Variants in CDH12 observed in about 807,000 individuals in gnomAD.
CDH12 encodes the protein cadherin-12.
A neutral mutation model predicts 74.1 loss-of-function variants in CDH12; 41 were observed. The observed-to-expected ratio is 0.55, with a 90% CI of 0.43 to 0.72. The LOEUF (loss-of-function observed/expected upper bound fraction) is 0.72. Ranked by LOEUF, CDH12 falls within the 30% of genes least tolerant of loss-of-function variation. The pLI is 0.00. For synonymous variants in CDH12, 399 were observed against 355.0 expected (o/e 1.12, Z -1.39); for missense variants, 945 against 977.2 (o/e 0.97, Z 0.44).
chr5:22,250,919 G>T (rs1030493529), intron 3 of CDH12, among the ~76,000 whole-genome samples: 1 of 152,154 alleles, frequency 6.6e-6, no homozygotes, highest in Non-Finnish European at 1.5e-5. Flanking sequence ...CAGCAAAGAA[G>T]AAATGACCTA....
chr5:22,657,779 T>C (rs1241524552), intron 1 of CDH12, among the ~76,000 whole-genome samples: 3 of 152,138 alleles, frequency 2.0e-5, no homozygotes, highest in Non-Finnish European at 4.4e-5. Flanking sequence ...AAATAATAAT[T>C]TGGGCATGAA....
chr5:21,797,017 G>T (rs1248226838), intron 10 of CDH12, among the ~76,000 whole-genome samples: 1 of 152,094 alleles, frequency 6.6e-6, no homozygotes, highest in Admixed American at 6.6e-5. Context: ...GCATCAAAAG[G>T]CGAAGGCTAG....
intron 2 of CDH12, among the ~76,000 whole-genome samples, chr5:22,491,039 A>G (rs1261264): frequency 0.95 from 145,215 of 152,268 alleles, 69,373 homozygotes; most frequent in African/African-American, 0.99. Context: ...GGTTTGTTGC[A>G]TAGGTATATT....
At chr5:22,041,830 T>A (rs78953944) in intron 5 of CDH12, among the ~76,000 whole-genome samples, 1,549 of 152,202 alleles carry the variant, frequency 0.01, 6 homozygotes, top group Non-Finnish European at 0.015. Context: ...ATATAAAAAA[T>A]TTCTTACTTA....
At chr5:22,555,913 G>T (rs1027242192) in intron 1 of CDH12, among the ~76,000 whole-genome samples, 1 of 151,422 alleles carries the variant, frequency 6.6e-6, no homozygotes, top group Non-Finnish European at 1.5e-5. Context: ...TTAAAAACTG[G>T]TCAAAAAAAA....
chr5:22,265,771 T>A (rs1256748509), intron 3 of CDH12, among the ~76,000 whole-genome samples: 1 of 152,048 alleles, frequency 6.6e-6, no homozygotes, highest in Non-Finnish European at 1.5e-5. Context: ...TGCTTCCCAT[T>A]CTTAAGGAGT....
At chr5:22,505,186 A>C (rs1205624900) in intron 2 of CDH12, 84 bp downstream of exon 2, 1 of 270,182 alleles carries the variant, frequency 3.7e-6, no homozygotes, top group Admixed American at 6.5e-5. Context: ...TTTTTAAGTA[A>C]AGAAGTTTTA....
At chr5:22,812,916 G>A (rs1749218848) in intron 1 of CDH12, among the ~76,000 whole-genome samples, 1 of 152,114 alleles carries the variant, frequency 6.6e-6, no homozygotes. Flanking sequence ...GAGGAGGTTG[G>A]AGGACTGAGG....
chr5:22,078,129 T>C (rs529746524), intron 5 of CDH12, among the ~76,000 whole-genome samples: 1 of 152,296 alleles, frequency 6.6e-6, no homozygotes, highest in Non-Finnish European at 1.5e-5. Flanking sequence ...ACTATACTTC[T>C]AACTATGGTT....
chr5:22,565,997 C>A (rs1739263635), intron 1 of CDH12, among the ~76,000 whole-genome samples: 1 of 152,064 alleles, frequency 6.6e-6, no homozygotes, highest in Admixed American at 6.5e-5. Context: ...ATTTCCGCCA[C>A]TTTAAAACAA....
intron 10 of CDH12, among the ~76,000 whole-genome samples, chr5:21,790,903 A>G (rs1746458569): frequency 1.3e-5 from 2 of 152,132 alleles, no homozygotes; most frequent in South Asian, 4.2e-4. Context: ...TACAAACCAT[A>G]AACACAAATA....
chr5:21,986,603 T>G (rs1273702700), intron 5 of CDH12, among the ~76,000 whole-genome samples: 3 of 152,212 alleles, frequency 2.0e-5, no homozygotes, highest in Non-Finnish European at 4.4e-5. Context: ...TTCCAGACAA[T>G]AAACCATTCA....
At chr5:22,313,710 A>G (rs764871033) in intron 3 of CDH12, among the ~76,000 whole-genome samples, 5 of 152,354 alleles carry the variant, frequency 3.3e-5, no homozygotes, top group Non-Finnish European at 5.9e-5. Flanking sequence ...CATTATGCTA[A>G]GTGGAGTAAC....
intron 3 of CDH12, among the ~76,000 whole-genome samples, chr5:22,373,291 T>C (rs1007820676): frequency 2.0e-5 from 3 of 152,186 alleles, no homozygotes; most frequent in African/African-American, 4.8e-5. Flanking sequence ...CTGTGTGGAC[T>C]GACCTGCCCA....
intron 9 of CDH12, among the ~76,000 whole-genome samples, 169 bp from the exon 10 acceptor site, chr5:21,802,589 T>C (rs1010590024): frequency 3.2e-5 from 3 of 92,368 alleles, no homozygotes; most frequent in African/African-American, 6.6e-5. Context: ...AACCATTTTT[T>C]TTTCTTTTTT....
intron 3 of CDH12, among the ~76,000 whole-genome samples, chr5:22,232,661 A>G (rs1288810695): frequency 1.3e-5 from 2 of 151,574 alleles, no homozygotes; most frequent in African/African-American, 4.8e-5. Flanking sequence ...CACACTGAAA[A>G]AAAATACTTC....
intron 1 of CDH12, among the ~76,000 whole-genome samples, chr5:22,602,455 C>T (rs1188562147): frequency 1.3e-5 from 2 of 152,052 alleles, no homozygotes; most frequent in African/African-American, 4.8e-5. Flanking sequence ...CAAAATGAAG[C>T]TTGCTTGTTG....
intron 10 of CDH12, among the ~76,000 whole-genome samples, chr5:21,788,411 A>G (rs1344686659): frequency 1.3e-5 from 2 of 151,986 alleles, no homozygotes; most frequent in Non-Finnish European, 2.9e-5. Context: ...AGTTGTTCAG[A>G]ATTACTATAG....
At chr5:22,509,960 T>C (rs1366331865) in intron 1 of CDH12, among the ~76,000 whole-genome samples, 2 of 151,832 alleles carry the variant, frequency 1.3e-5, no homozygotes, top group South Asian at 4.1e-4. Flanking sequence ...CCAAAATATC[T>C]TGAAGAGATT....
Sources: allele counts gnomAD v4.1 joint callset (sites outside exome capture counted in the v4.1 genomes callset), GRCh38; gene constraint gnomAD v4.1.1; transcripts MANE v1.5; gene names NCBI Gene and HGNC (gene_info 2026-07-23, HGNC 2026-07-21).